SLC25A48: variants seen among roughly 807,000 people sequenced by gnomAD.
SLC25A48 encodes CTC-321K16.1.
A neutral mutation model predicts 32.2 loss-of-function variants in SLC25A48; 29 were observed. The ratio of observed to expected loss-of-function variants is 0.90; its 90% CI spans 0.67 to 1.23. SLC25A48 has a LOEUF of 1.23. Among genes scored for constraint, SLC25A48 ranks in the 50% most tolerant of loss-of-function variants. SLC25A48 has a pLI of 0.00. For synonymous variants in SLC25A48, 164 were observed against 172.3 expected, an observed-to-expected ratio of 0.95 and a Z score of 0.38; for missense variants, 399 against 422.7, an observed-to-expected ratio of 0.94 and a Z score of 0.49.
intron 3 of SLC25A48, among the ~76,000 whole-genome samples, chr5:135,776,492 C>G (rs538641421): frequency 6.6e-6 from 1 of 151,706 alleles, no homozygotes; most frequent in South Asian, 2.1e-4. Flanking sequence ...TGATATTTTT[C>G]CTAATATCCA....
chr5:135,685,175 G>A (rs1001271583), intron 3 of SLC25A48, among the ~76,000 whole-genome samples: 4 of 151,808 alleles, frequency 2.6e-5, no homozygotes, highest in African/African-American at 9.7e-5. Flanking sequence ...GGATCTTTTT[G>A]TTATGTCTAA....
At chr5:135,832,782 T>C (rs1465350714), upstream of SLC25A48, among the ~76,000 whole-genome samples, 1 of 152,194 alleles carries the variant, frequency 6.6e-6, no homozygotes, top group East Asian at 1.9e-4. Context: ...CATCTGCATG[T>C]CCTGCTACTG....
intron 6 of SLC25A48, chr5:135,875,490 A>G (rs1466576853): frequency 6.6e-6 from 1 of 152,298 alleles, no homozygotes; most frequent in African/African-American, 2.4e-5. Flanking sequence ...ACTAAAAGAC[A>G]GAACTACCAG....
intron 4 of SLC25A48, among the ~76,000 whole-genome samples, chr5:135,822,988 C>T (rs192086210): frequency 1.3e-5 from 2 of 152,230 alleles, no homozygotes; most frequent in East Asian, 1.9e-4. Flanking sequence ...CTGGTTCCTG[C>T]TCACCAGAAG....
chr5:135,584,894 G>C (rs899659352), intron 1 of SLC25A48, among the ~76,000 whole-genome samples: 1 of 152,236 alleles, frequency 6.6e-6, no homozygotes, highest in South Asian at 2.1e-4. Context: ...CATTCTCTTT[G>C]AGTGGCGAAA....
chr5:135,874,778 G>C, intron 6 of SLC25A48: 1 of 671,410 alleles, frequency 1.5e-6, no homozygotes, highest in Non-Finnish European at 2.7e-6. Context: ...CCCCAGGATA[G>C]ACCAGACTTC....
chr5:135,856,556 GCCTGGCTGC>G (rs1336534291), intron 4 of SLC25A48, among the ~76,000 whole-genome samples: 12 of 152,224 alleles, frequency 7.9e-5, no homozygotes, highest in Admixed American at 3.9e-4. Context: ...AGGGCCTGAG[GCCTGGCTGC>G]CCCAAGGCTG....
At chr5:135,645,531 A>C (rs960585240) in intron 3 of SLC25A48, among the ~76,000 whole-genome samples, 2 of 152,204 alleles carry the variant, frequency 1.3e-5, no homozygotes, top group Non-Finnish European at 2.9e-5. Flanking sequence ...ATTCACTCTG[A>C]GTTGCTGTGA....
chr5:135,844,624 T>C (rs530615575), intron 2 of SLC25A48, among the ~76,000 whole-genome samples: 1 of 152,350 alleles, frequency 6.6e-6, no homozygotes, highest in Admixed American at 6.5e-5. Context: ...AAGCATTGTT[T>C]CTGGTACCTA....
At chr5:135,647,454 T>A (rs1211191882) in intron 3 of SLC25A48, among the ~76,000 whole-genome samples, 1 of 152,112 alleles carries the variant, frequency 6.6e-6, no homozygotes, top group Non-Finnish European at 1.5e-5. Flanking sequence ...AGCTTGGGGA[T>A]GTTATCAGTG....
intron 3 of SLC25A48, among the ~76,000 whole-genome samples, chr5:135,685,793 A>G (rs998363370): frequency 6.6e-6 from 1 of 152,218 alleles, no homozygotes; most frequent in Non-Finnish European, 1.5e-5. Flanking sequence ...GTGTTCTTCC[A>G]TCCACCACTG....
chr5:135,795,912 G>C (rs531685827), intron 3 of SLC25A48, among the ~76,000 whole-genome samples: 1 of 146,704 alleles, frequency 6.8e-6, no homozygotes, highest in Non-Finnish European at 1.5e-5. Context: ...GGGGGTGAGG[G>C]TGATATTACT....
chr5:135,671,185 G>A (rs1432017358), intron 3 of SLC25A48, among the ~76,000 whole-genome samples: 1 of 152,202 alleles, frequency 6.6e-6, no homozygotes, highest in African/African-American at 2.4e-5. Flanking sequence ...GCTAGAGGAA[G>A]GAAAAGGAAT....
At chr5:135,883,070 C>T in intron 7 of SLC25A48, 1 of 985,430 alleles carries the variant, frequency 1.0e-6, no homozygotes, top group Non-Finnish European at 1.2e-6. Context: ...AGGGTCTCAT[C>T]CCATTAACAG....
chr5:135,623,762 C>G (rs1013851149), intron 1 of SLC25A48, among the ~76,000 whole-genome samples: 2 of 152,200 alleles, frequency 1.3e-5, no homozygotes, highest in Non-Finnish European at 2.9e-5. Context: ...TCTGTTCTCC[C>G]TAACCTTGCA....
chr5:135,828,206 G>T (rs892256138), intron 4 of SLC25A48, among the ~76,000 whole-genome samples: 3 of 152,254 alleles, frequency 2.0e-5, no homozygotes, highest in Admixed American at 2.0e-4. Flanking sequence ...TGGCTCAGCT[G>T]GAAGGGCAGT....
At chr5:135,677,248 A>G (rs1357517169) in intron 3 of SLC25A48, among the ~76,000 whole-genome samples, 1 of 152,086 alleles carries the variant, frequency 6.6e-6, no homozygotes, top group Non-Finnish European at 1.5e-5. Flanking sequence ...AGACATAAGT[A>G]AAGCTACTCC....
intron 3 of SLC25A48, among the ~76,000 whole-genome samples, chr5:135,724,290 CTG>C (rs1226338854): frequency 6.6e-6 from 1 of 152,218 alleles, no homozygotes; most frequent in Non-Finnish European, 1.5e-5. Context: ...AATGAGGAAA[CTG>C]AGGCTCAAGA....
chr5:135,656,037 C>G (rs1209517946), intron 3 of SLC25A48, among the ~76,000 whole-genome samples: 1 of 152,090 alleles, frequency 6.6e-6, no homozygotes, highest in African/African-American at 2.4e-5. Flanking sequence ...GAGGGCTGGT[C>G]CTTGTGCAGT....
Sources: allele counts gnomAD v4.1 joint callset (sites outside exome capture counted in the v4.1 genomes callset), GRCh38; gene constraint gnomAD v4.1.1; transcripts MANE v1.5; gene names NCBI Gene and HGNC (gene_info 2026-07-23, HGNC 2026-07-21).